Variants in SAG observed in about 807,000 individuals in gnomAD.
The protein encoded by SAG is S-antigen visual arrestin.
In SAG, 45 loss-of-function variants were observed where a neutral mutation model predicts 55.0. The observed-to-expected ratio is 0.82, with a 90% CI of 0.64 to 1.05. SAG has a LOEUF of 1.05. Among genes scored for constraint, SAG ranks in the 50% least tolerant of loss-of-function variants. The pLI is 0.00. For missense variants in SAG, 455 were observed against 512.1 expected (o/e 0.89, Z 1.08); for synonymous variants, 189 against 197.4 (o/e 0.96, Z 0.36).
intron 1 of SAG, among the ~76,000 whole-genome samples, chr2:233,308,386 G>A (rs918667869): frequency 2.6e-5 from 4 of 152,118 alleles, no homozygotes; most frequent in South Asian, 2.1e-4. Flanking sequence ...GGAGGATCAC[G>A]AGCCCAGGAG....
intron 14 of SAG, chr2:233,343,629 G>T: frequency 8.2e-7 from 1 of 1,223,284 alleles, no homozygotes; most frequent in Non-Finnish European, 1.1e-6. Context: ...TTTCTAAAAA[G>T]GTAAATGAAG....
intron 2 of SAG, among the ~76,000 whole-genome samples, chr2:233,310,962 G>C (rs532549886): frequency 6.6e-6 from 1 of 151,936 alleles, no homozygotes; most frequent in Admixed American, 6.6e-5. Flanking sequence ...TGATTCTTTC[G>C]TTCTCCAAGC....
intron 2 of SAG, among the ~76,000 whole-genome samples, chr2:233,309,713 TG>T: frequency 6.6e-6 from 1 of 152,326 alleles, no homozygotes; most frequent in Middle Eastern, 3.4e-3. Flanking sequence ...CTGTCTAAGA[TG>T]GATGATCACT....
intron 4 of SAG, chr2:233,320,052 G>A (rs920402529): frequency 1.1e-6 from 1 of 895,180 alleles, no homozygotes; most frequent in Non-Finnish European, 1.3e-6. Flanking sequence ...ATTTTCAGAA[G>A]TGGGGGTTTA....
At chr2:233,338,485 C>T in intron 11 of SAG, 191 bp from the exon 12 acceptor site, 1 of 601,620 alleles carries the variant, frequency 1.7e-6, no homozygotes, top group Non-Finnish European at 3.0e-6. Context: ...GGAATTCCTC[C>T]AGTGCGTGCA....
chr2:233,344,142 G>A (rs971060499), intron 14 of SAG: 1 of 151,986 alleles, frequency 6.6e-6, no homozygotes, highest in African/African-American at 2.4e-5. Context: ...ATGTTGGGTT[G>A]TTTTCTGGAA....
At chr2:233,338,783 G>T (rs1701013351) in intron 12 of SAG, 30 bp downstream of exon 12, 1 of 1,583,504 alleles carries the variant, frequency 6.3e-7, no homozygotes, top group Non-Finnish European at 8.7e-7. Flanking sequence ...CCCTCGGGCT[G>T]CTCTGTCCTG....
chr2:233,318,861 G>A lies in SAG; in HGVS notation c.181+66G>A, dbSNP rs139252176. 3.1e-3 allele frequency: 4,289 copies of A among 1,387,434 alleles called. 14 individuals are homozygous for A. The highest frequency in any genetic ancestry group is 3.8e-3 in the Non-Finnish European group (3,722 of 973,426). 85.9% of individuals were successfully genotyped at this position (1,387,434 alleles called of 1,614,324 possible). ...AGTGGACTGCTCTCTGGGCGGCTCT[G>A]GGAAGGGGCATTTACATGGAAGGAG... On this transcript the variant is annotated intron_variant, in intron 4 of 15. Transcript: ENST00000409110.
intron 11 of SAG, among the ~76,000 whole-genome samples, 172 bp downstream of exon 11, chr2:233,335,271 CT>C (rs748608877): frequency 1.3e-5 from 2 of 152,352 alleles, no homozygotes; most frequent in African/African-American, 4.8e-5. Flanking sequence ...ACTCTCACCC[CT>C]GGTGTGATGT....
At chr2:233,337,681 G>C (rs1294864936) in intron 11 of SAG, among the ~76,000 whole-genome samples, 3 of 152,206 alleles carry the variant, frequency 2.0e-5, no homozygotes, top group Non-Finnish European at 2.9e-5. Flanking sequence ...CCCAGCACCT[G>C]CTGGCCGCCG....
intron 2 of SAG, among the ~76,000 whole-genome samples, chr2:233,315,278 G>GTT (rs1700185732): frequency 8.9e-6 from 1 of 112,826 alleles, no homozygotes; most frequent in African/African-American, 3.5e-5. Context: ...TTGTCCAGAA[G>GTT]TTCTTTTTTT....
chr2:233,330,530 TTCCTTCCTTC>T (rs1559446515), intron 9 of SAG, among the ~76,000 whole-genome samples: 3 of 149,198 alleles, frequency 2.0e-5, no homozygotes, highest in African/African-American at 7.4e-5. Flanking sequence ...CCTTCCTTCC[TTCCTTCCTTC>T]CTCCCTTTCT....
intron 2 of SAG, among the ~76,000 whole-genome samples, chr2:233,311,504 C>G (rs1700074132): frequency 6.6e-6 from 1 of 152,192 alleles, no homozygotes; most frequent in East Asian, 1.9e-4. Flanking sequence ...GAATCGTACC[C>G]TGGAGCCGGC....
intron 2 of SAG, among the ~76,000 whole-genome samples, chr2:233,315,281 C>CT (rs5839476): frequency 0.042 from 2,924 of 69,344 alleles, 528 homozygotes; most frequent in African/African-American, 0.052. Context: ...TCCAGAAGTT[C>CT]TTTTTTTTTT....
chr2:233,345,042 G>A (rs930873868), intron 14 of SAG: 2 of 152,118 alleles, frequency 1.3e-5, no homozygotes, highest in South Asian at 2.1e-4. Flanking sequence ...TGTACGTAGC[G>A]ACCCTCATAG....
intron 6 of SAG, 21 bp from the exon 7 acceptor site, chr2:233,327,100 T>C (rs1000459249): frequency 2.8e-5 from 45 of 1,608,060 alleles, no homozygotes; most frequent in Non-Finnish European, 3.7e-5. Flanking sequence ...TCGCTGCCTG[T>C]CTGCTCTCTC....
intron 9 of SAG, 21 bp from the exon 10 acceptor site, chr2:233,331,619 A>C (rs550858904): frequency 1.3e-6 from 2 of 1,572,934 alleles, no homozygotes; most frequent in Non-Finnish European, 1.7e-6. Context: ...TGACCACCGG[A>C]CTCCCGTCTT....
chr2:233,319,898 A>G lies in SAG; in HGVS notation c.182-732A>G. The G allele has an allele frequency of 1.0e-6, 1 of 985,656 alleles. No homozygotes were observed. Among genetic ancestry groups the G allele is most frequent in the South Asian group, 4.7e-5 (1 of 21,284 alleles). 61.1% of individuals were successfully genotyped at this position (985,656 alleles called of 1,614,324 possible). A position where few individuals can be genotyped will look rare whatever the true frequency, so the allele number is the denominator to read the frequency against. On this transcript the variant is annotated intron_variant, in intron 4 of 15. Transcript: ENST00000409110. This position sits in a 1 kb window ranked among gnomAD's most constrained non-coding sequence, Gnocchi z 4.4. ...CTTGCAGGCAAAATTCTCAACCAAC[A>G]GCTACCACGCACTTGGCGGGGCCGC...
chr2:233,314,547 T>C (rs1302901121), intron 2 of SAG, among the ~76,000 whole-genome samples: 1 of 152,068 alleles, frequency 6.6e-6, no homozygotes, highest in Non-Finnish European at 1.5e-5. Flanking sequence ...ACCCACAGTG[T>C]TTAGGAAGCT....
Sources: allele counts gnomAD v4.1 joint callset (sites outside exome capture counted in the v4.1 genomes callset), GRCh38; gene constraint gnomAD v4.1.1; non-coding constraint Gnocchi (gnomAD v3.1); transcripts MANE v1.5; gene names NCBI Gene and HGNC (gene_info 2026-07-23, HGNC 2026-07-21).